USP25: variants seen among roughly 807,000 people sequenced by gnomAD.
USP25 encodes ubiquitin specific peptidase 25, also known as ubiquitin carboxyl-terminal hydrolase 25.
USP25 carries 85 observed loss-of-function variants against 158.5 expected under a neutral mutation model. The ratio of observed to expected loss-of-function variants is 0.54; its 90% CI spans 0.45 to 0.64. USP25 has a LOEUF of 0.64. Ranked by LOEUF, USP25 falls within the 30% of genes least tolerant of loss-of-function variation. The probability of loss-of-function intolerance (pLI) is 0.00; values close to 1 mark genes in which losing one functional copy is unlikely to be tolerated. For synonymous variants in USP25, 464 were observed against 460.4 expected, an observed-to-expected ratio of 1.01 and a Z score of -0.10; for missense variants, 1,242 against 1,327.3, an observed-to-expected ratio of 0.94 and a Z score of 1.00.
chr21:15,805,555 TAC>T (rs1201627179), intron 7 of USP25: 1 of 195,622 alleles, frequency 5.1e-6, no homozygotes, highest in Non-Finnish European at 1.0e-5. Context: ...ATCATTATAG[TAC>T]ACATGCTTTT....
chr21:15,864,297 T>A lies in USP25; in HGVS notation c.2577T>A (p.Val859=), dbSNP rs2039561947. 6.2e-7 allele frequency: 1 copy of A among 1,609,096 alleles called. No individual in the cohort carries two copies. The change falls in exon 21 of 26, where the codon GTT becomes GTA. Residue 859 remains valine (V), a synonymous_variant. Coordinates refer to ENST00000400183, the MANE Select transcript of USP25 (RefSeq NM_001283041.3). ...KAIKLEYARL[V]KLAQEDTPPE... is the part of the protein sequence containing the mutation. Reference sequence around the variant, plus strand: ...TTAAGTTGGAATATGCAAGGTTGGTTAAGTTGGCCCAAGAAGACACCCCAC... The same window carrying A: ...TTAAGTTGGAATATGCAAGGTTGGTAAAGTTGGCCCAAGAAGACACCCCAC...
At chr21:15,781,575 A>T (rs1044935209) in intron 4 of USP25, among the ~76,000 whole-genome samples, 1 of 152,100 alleles carries the variant, frequency 6.6e-6, no homozygotes, top group African/African-American at 2.4e-5. Context: ...TGACTGAGGA[A>T]ATGCCCTGGA....
chr21:15,805,945 T>TTTTG (rs1382032095), intron 7 of USP25, among the ~76,000 whole-genome samples: 1 of 152,190 alleles, frequency 6.6e-6, no homozygotes, highest in Non-Finnish European at 1.5e-5. Context: ...TGTGTCTCTG[T>TTTTG]TTTGTGATGT....
At chr21:15,799,478 A>G (rs754976270) in intron 5 of USP25, 1 of 209,168 alleles carries the variant, frequency 4.8e-6, no homozygotes, top group Admixed American at 5.5e-5. Context: ...TATTTTGAGG[A>G]AACTGCTTAA....
At chr21:15,764,655 CACTT>C (rs1183215324) in intron 2 of USP25, among the ~76,000 whole-genome samples, 2 of 152,084 alleles carry the variant, frequency 1.3e-5, no homozygotes, top group Non-Finnish European at 2.9e-5. Context: ...ATATGAAAAA[CACTT>C]AGCACATTTC....
At chr21:15,779,297 A>G (rs962630053) in intron 4 of USP25, among the ~76,000 whole-genome samples, 19 of 152,044 alleles carry the variant, frequency 1.2e-4, no homozygotes, top group Non-Finnish European at 1.9e-4. Context: ...GTGTATTGCA[A>G]TGCATAATTG....
intron 1 of USP25, among the ~76,000 whole-genome samples, chr21:15,753,747 G>A (rs1372756906): frequency 6.6e-6 from 1 of 151,702 alleles, no homozygotes; most frequent in Non-Finnish European, 1.5e-5. Context: ...AAGTTCTTTG[G>A]CTGGACTAGA....
At chr21:15,779,940 A>C (rs2034871283) in intron 4 of USP25, among the ~76,000 whole-genome samples, 2 of 152,160 alleles carry the variant, frequency 1.3e-5, no homozygotes, top group African/African-American at 4.8e-5. Context: ...TAATAAACTT[A>C]TATGTAAATC....
chr21:15,837,624 G>A lies in USP25; in HGVS notation c.2194+4076G>A, dbSNP rs900794910. On this transcript the variant is annotated intron_variant, in intron 17 of 25. Transcript: ENST00000400183. Reference sequence around the variant, plus strand: ...TATGCTGGAGAGAAGAGCGTTGTCCGAGTTACTATTTTACTTATATTACTC... The same window carrying A: ...TATGCTGGAGAGAAGAGCGTTGTCCAAGTTACTATTTTACTTATATTACTC... Among the ~76,000 whole-genome samples the A allele has an allele frequency of 3.3e-5, 5 of 152,088 alleles. No individual in the cohort carries two copies. The East Asian group carries it at 5.8e-4, about 18-fold the overall frequency.
Position 15,879,746 on chromosome 21 carries a change from T to C in USP25, c.*1271T>C, listed in dbSNP as rs1361640403. 6.6e-6 allele frequency: 1 copy of C among 152,578 alleles called. No homozygotes were observed. The highest frequency in any genetic ancestry group is 1.5e-5 in the Non-Finnish European group (1 of 67,988). The allele number at this position is 152,578 out of a possible 1,614,324, so 9.5% of individuals were successfully genotyped here. A position where few individuals can be genotyped will look rare whatever the true frequency, so the allele number is the denominator to read the frequency against. On this transcript the variant is annotated 3_prime_UTR_variant, in exon 26 of 26. Coordinates refer to ENST00000400183, the MANE Select transcript of USP25 (RefSeq NM_001283041.3). The stretch of plus-strand genomic sequence containing the variant: ...TTTGATACAGCGTCGCCAAAACTAG[T>C]GTTCTTTATTAGTGCCTCTCACAAA...
chr21:15,869,693 C>T (rs989384420), intron 22 of USP25, among the ~76,000 whole-genome samples: 18 of 151,996 alleles, frequency 1.2e-4, no homozygotes, highest in Admixed American at 7.2e-4. Context: ...TCATACTCAG[C>T]GTAATATTTC....
rs1437087239 is a variant in USP25, at chr21:15,766,647, A to C, written c.268+506A>C. 1.3e-5 allele frequency among the ~76,000 whole-genome samples: 2 copies of C among 152,074 alleles called. No individual in the cohort carries two copies. The highest frequency in any genetic ancestry group is 4.8e-5 in the African/African-American group (2 of 41,446). On this transcript the variant is annotated intron_variant, in intron 3 of 25. Transcript: ENST00000400183. This position sits in a 1 kb window ranked among gnomAD's most constrained non-coding sequence, Gnocchi z 4.0. ...AAGAAAAAAAGAAAAGAAAACTTGG[A>C]AAAAGTGTTTTGGAGATACAAATAC...
chr21:15,768,613 A>C (rs568741728), intron 3 of USP25, among the ~76,000 whole-genome samples: 1 of 152,256 alleles, frequency 6.6e-6, no homozygotes, highest in Admixed American at 6.5e-5. Context: ...ATATACATTC[A>C]AATGCAGGCC....
intron 17 of USP25, among the ~76,000 whole-genome samples, chr21:15,835,187 C>T (rs1190210943): frequency 6.6e-6 from 1 of 152,144 alleles, no homozygotes; most frequent in Non-Finnish European, 1.5e-5. Context: ...GGTACCTAAG[C>T]TCCCAGACAC....
chr21:15,862,255 A>G (rs2039458000), intron 20 of USP25, among the ~76,000 whole-genome samples: 1 of 152,140 alleles, frequency 6.6e-6, no homozygotes, highest in Non-Finnish European at 1.5e-5. Flanking sequence ...AATCTGAAAT[A>G]TTGCAAAATC....
Position 15,762,901 on chromosome 21 carries a change from C to G in USP25, c.56C>G (p.Thr19Arg), listed in dbSNP as rs144168951. The G allele has an allele frequency of 4.6e-4, 748 of 1,612,298 alleles. No homozygotes were observed. Among genetic ancestry groups the G allele is most frequent in the Admixed American group, 9.8e-4 (59 of 59,926 alleles). ...QQSAAQKHQQ[T>R]FLNQLREITG... ...TTTTCCTCCCTCTAGCACCAGCAGACGTTTTTGAATCAACTGAGAGAAATT... is the reference window on the plus strand; with the variant it reads ...TTTTCCTCCCTCTAGCACCAGCAGAGGTTTTTGAATCAACTGAGAGAAATT... Residue 19 changes from threonine (T) to arginine (R), a missense_variant, in exon 2 of 26, where the codon ACG becomes AGG. Thr to Arg is a moderately conservative substitution (Grantham distance 71, BLOSUM62 -1). Around this residue, in one of 3 missense-constraint regions of USP25, gnomAD observed 627 missense variants for 701.4 expected, o/e 0.89. Transcript: ENST00000400183.
chr21:15,784,972 G>GA (rs200893666), intron 4 of USP25, among the ~76,000 whole-genome samples: 13,154 of 139,882 alleles, frequency 0.094, 666 homozygotes, highest in Non-Finnish European at 0.11. Context: ...TGGATGGATT[G>GA]AAAAAAAAAA....
At chr21:15,735,045 A>G (rs145877063) in intron 1 of USP25, among the ~76,000 whole-genome samples, 360 of 152,324 alleles carry the variant, frequency 2.4e-3, no homozygotes, top group African/African-American at 8.2e-3. Flanking sequence ...TCTAGTATGT[A>G]TTAAGGGTTG....
intron 3 of USP25, chr21:15,773,361 A>C (rs1477715779): frequency 6.6e-6 from 1 of 152,554 alleles, no homozygotes; most frequent in African/African-American, 2.4e-5. Flanking sequence ...GGCGGGGGCA[A>C]AATGAAGAGT....
Sources: gnomAD v4.1 joint callset for allele counts (sites outside exome capture counted in the v4.1 genomes callset) on GRCh38, gnomAD v4.1.1 for gene constraint, gnomAD v4.1.1 regional missense constraint, Gnocchi (gnomAD v3.1) non-coding constraint, MANE v1.5 for transcripts, NCBI Gene and HGNC (gene_info 2026-07-23, HGNC 2026-07-21) for gene names.